Variants in SGMS1 observed in about 807,000 individuals in gnomAD.
SGMS1 encodes phosphatidylcholine:ceramide cholinephosphotransferase 1.
A neutral mutation model predicts 46.2 loss-of-function variants in SGMS1; 13 were observed. The observed-to-expected ratio is 0.28, with a 90% confidence interval of 0.18 to 0.45. The LOEUF (loss-of-function observed/expected upper bound fraction) is 0.45. Ranked by LOEUF, SGMS1 falls within the 20% of genes least tolerant of loss-of-function variation. The probability of loss-of-function intolerance (pLI) is 1.00; values close to 1 mark genes in which losing one functional copy is unlikely to be tolerated. For missense variants in SGMS1, 324 were observed against 519.9 expected (o/e 0.62, Z 3.66); for synonymous variants, 203 against 187.8 (o/e 1.08, Z -0.66).
intron 6 of SGMS1, among the ~76,000 whole-genome samples, chr10:50,352,008 GC>G (rs1848027138): frequency 6.6e-6 from 1 of 152,122 alleles, no homozygotes; most frequent in Non-Finnish European, 1.5e-5. Context: ...CATATTTAAA[GC>G]CCAATCATTC....
chr10:50,341,671 T>C (rs1847822966), intron 7 of SGMS1, among the ~76,000 whole-genome samples: 2 of 91,530 alleles, frequency 2.2e-5, no homozygotes, highest in South Asian at 8.1e-4. Flanking sequence ...ACTCAGCAAG[T>C]TGGACACACC....
chr10:50,624,761 T>A (rs1403287978), upstream of SGMS1: 33 of 985,312 alleles, frequency 3.3e-5, no homozygotes, highest in Non-Finnish European at 4.0e-5. Context: ...CAAGTTAGGA[T>A]GGACAGCGGG....
intron 1 of SGMS1, among the ~76,000 whole-genome samples, chr10:50,611,963 C>T (rs2131930892): frequency 6.6e-6 from 1 of 152,338 alleles, no homozygotes; most frequent in South Asian, 2.1e-4. Flanking sequence ...CCTTCCCACC[C>T]TATCTCCCTC....
At chr10:50,443,810 TTATA>T in intron 5 of SGMS1, among the ~76,000 whole-genome samples, 1 of 152,230 alleles carries the variant, frequency 6.6e-6, no homozygotes, top group East Asian at 1.9e-4. Context: ...TAATATTGTA[TTATA>T]TAGTTTGTGA....
At chr10:50,329,011 T>C (rs562110843) in intron 7 of SGMS1, among the ~76,000 whole-genome samples, 4 of 152,332 alleles carry the variant, frequency 2.6e-5, no homozygotes, top group Non-Finnish European at 5.9e-5. Flanking sequence ...ACTTGAACTA[T>C]ACAAGAAACA....
chr10:50,602,612 T>C (rs570721645), intron 1 of SGMS1, among the ~76,000 whole-genome samples: 1 of 152,324 alleles, frequency 6.6e-6, no homozygotes, highest in African/African-American at 2.4e-5. Flanking sequence ...GACAGCAAGG[T>C]CCCTGAACTT....
In SGMS1 at chr10:50,527,128, C is replaced by T. The variant is rs557731426; in HGVS notation, c.-588-7207G>A. Among the ~76,000 whole-genome samples, 4 of 150,334 alleles carry T rather than the reference C, an allele frequency of 2.7e-5. No homozygotes were observed. In the South Asian group the frequency reaches 8.4e-4, roughly 32 times the overall value. ...GAAAAAGAACTGGCCATGTATTCAACCATGCAGCTCATCCACAGCCATCCA... is the reference window on the plus strand; with the variant it reads ...GAAAAAGAACTGGCCATGTATTCAATCATGCAGCTCATCCACAGCCATCCA... On this transcript the variant is annotated intron_variant, in intron 2 of 10. Transcript: ENST00000361781.
At chr10:50,606,166 TTC>T (rs1838692557) in intron 1 of SGMS1, among the ~76,000 whole-genome samples, 1 of 152,154 alleles carries the variant, frequency 6.6e-6, no homozygotes, top group Admixed American at 6.5e-5. Context: ...AGGAAGGAAA[TTC>T]TGACACATGC....
chr10:50,588,721 ATT>A lies in SGMS1; in HGVS notation c.-589+1430_-589+1431del, dbSNP rs71029314. On this transcript the variant is annotated intron_variant, in intron 2 of 10. Coordinates refer to ENST00000361781, the MANE Select transcript of SGMS1 (RefSeq NM_147156.4). ...ACATCAGAGCACAGAGACTGATCTA[ATT>A]TTTTTTTTTTTTTTTTTTTTTTTTG... 2.8e-3 allele frequency among the ~76,000 whole-genome samples: 255 copies of A among 92,212 alleles called. 1 individual carries two copies. The highest frequency in any genetic ancestry group is 7.3e-3 in the African/African-American group (169 of 23,170). 60.5% of individuals were successfully genotyped at this position (92,212 alleles called of 152,430 possible).
rs146981445 is a variant in SGMS1, at chr10:50,328,166, A to T, written c.624-844T>A. ...TATATTGAGTTAGATAACGTCTCCT[A>T]ATATAAAAATTCCATGTAAGTTTGT... On this transcript the variant is annotated intron_variant, in intron 7 of 10. Coordinates refer to ENST00000361781, the MANE Select transcript of SGMS1 (RefSeq NM_147156.4). 458 of 269,372 alleles carry T rather than the reference A, an allele frequency of 1.7e-3. 11 individuals carry two copies. The Admixed American group carries it at 0.022, about 13-fold the overall frequency. 16.7% of individuals were successfully genotyped at this position (269,372 alleles called of 1,614,324 possible). A position where few individuals can be genotyped will look rare whatever the true frequency, so the allele number is the denominator to read the frequency against.
rs532422101 is a variant in SGMS1, at chr10:50,596,945, G to A, written c.-683-6698C>T. Among the ~76,000 whole-genome samples the A allele has an allele frequency of 1.8e-3, 273 of 152,280 alleles. 1 individual carries two copies. Among genetic ancestry groups the A allele is most frequent in the Non-Finnish European group, 2.6e-3 (176 of 68,022 alleles). Reference sequence around the variant, plus strand: ...TACAACTGGCTCGTTGCACATGGTAGGCACTCAGTATGTTTTGAACATGGG... The same window carrying A: ...TACAACTGGCTCGTTGCACATGGTAAGCACTCAGTATGTTTTGAACATGGG... On this transcript the variant is annotated intron_variant, in intron 1 of 10. Transcript: ENST00000361781.
intron 3 of SGMS1, among the ~76,000 whole-genome samples, chr10:50,518,892 T>C (rs900864183): frequency 6.6e-6 from 1 of 152,208 alleles, no homozygotes; most frequent in Non-Finnish European, 1.5e-5. Context: ...ATTGCACTAT[T>C]AATCAGGAAA....
At chr10:50,525,929 C>G (rs924365470) in intron 2 of SGMS1, among the ~76,000 whole-genome samples, 7 of 152,214 alleles carry the variant, frequency 4.6e-5, no homozygotes, top group Non-Finnish European at 8.8e-5. Context: ...AAACGTAGAA[C>G]TCTCAAATTG....
In SGMS1 at chr10:50,419,327, A is replaced by C. The variant is rs189058079; in HGVS notation, c.-232+14149T>G. The stretch of plus-strand genomic sequence containing the variant: ...GTAAACAAACTGGCTCGTAATTTTC[A>C]AAAATTCTTTCCTATGTTAAATATC... On this transcript the variant is annotated intron_variant, in intron 6 of 10. Transcript: ENST00000361781. Among the ~76,000 whole-genome samples, 214 of 152,342 alleles carry C rather than the reference A, an allele frequency of 1.4e-3. 1 individual carries two copies. The highest frequency in any genetic ancestry group is 4.5e-3 in the African/African-American group (187 of 41,580).
chr10:50,530,205 A>C (rs1275568581), intron 2 of SGMS1, among the ~76,000 whole-genome samples: 1 of 152,184 alleles, frequency 6.6e-6, no homozygotes, highest in Non-Finnish European at 1.5e-5. Flanking sequence ...TTCCTCCAAA[A>C]TTCCTGGCCT....
At chr10:50,531,013 A>C (rs576462510) in intron 2 of SGMS1, among the ~76,000 whole-genome samples, 1 of 152,342 alleles carries the variant, frequency 6.6e-6, no homozygotes, top group Admixed American at 6.5e-5. Flanking sequence ...GATGGTCCCT[A>C]ACACAGGACC....
chr10:50,438,228 G>T (rs1849498991), intron 5 of SGMS1, among the ~76,000 whole-genome samples: 1 of 152,184 alleles, frequency 6.6e-6, no homozygotes, highest in African/African-American at 2.4e-5. Context: ...TTCAGGACAG[G>T]TTCTGTGACT....
chr10:50,353,043 A>G (rs1273687625), intron 6 of SGMS1, among the ~76,000 whole-genome samples: 1 of 152,356 alleles, frequency 6.6e-6, no homozygotes, highest in East Asian at 1.9e-4. Context: ...TTCTGAAACT[A>G]TTCCAATCAA....
At chr10:50,332,910 C>T (rs1169795248) in intron 7 of SGMS1, among the ~76,000 whole-genome samples, 1 of 152,122 alleles carries the variant, frequency 6.6e-6, no homozygotes, top group Non-Finnish European at 1.5e-5. Flanking sequence ...ATGTGAATCC[C>T]ACTGCCAAGG....
Sources: gnomAD v4.1 joint callset for allele counts (sites outside exome capture counted in the v4.1 genomes callset) on GRCh38, gnomAD v4.1.1 for gene constraint, MANE v1.5 for transcripts, NCBI Gene and HGNC (gene_info 2026-07-23, HGNC 2026-07-21) for gene names.